Variants in KDM4C observed in about 807,000 individuals in gnomAD.
KDM4C encodes the protein lysine demethylase 4C.
Under a neutral mutation model 129.3 loss-of-function variants are expected in KDM4C, and 81 were observed. The observed-to-expected ratio is 0.63, with a 90% CI of 0.52 to 0.75. The LOEUF is 0.75. Among genes scored for constraint, KDM4C ranks in the 30% least tolerant of loss-of-function variants. KDM4C has a pLI of 0.00. For synonymous variants in KDM4C, 573 were observed against 456.1 expected (o/e 1.26, Z -3.26); for missense variants, 1,457 against 1,304.0 (o/e 1.12, Z -1.81).
intron 4 of KDM4C, among the ~76,000 whole-genome samples, chr9:6,817,763 CTT>C (rs146833868): frequency 3.8e-5 from 4 of 105,084 alleles, no homozygotes; most frequent in Non-Finnish European, 7.4e-5. Context: ...CAGGAATAAC[CTT>C]TTTTTTTTTT....
intron 8 of KDM4C, among the ~76,000 whole-genome samples, chr9:6,914,938 C>T (rs1820032593): frequency 6.6e-6 from 1 of 152,234 alleles, no homozygotes; most frequent in Admixed American, 6.5e-5. Context: ...TTTGTTAAAG[C>T]TGCCCAAATG....
intron 8 of KDM4C, among the ~76,000 whole-genome samples, chr9:6,970,849 A>G (rs1334074621): frequency 7.3e-6 from 1 of 137,616 alleles, no homozygotes; most frequent in African/African-American, 2.6e-5. Context: ...CCTCTTAGGA[A>G]CAACTCATGG....
intron 5 of KDM4C, among the ~76,000 whole-genome samples, chr9:6,867,157 A>G (rs1009759684): frequency 6.6e-6 from 1 of 151,754 alleles, no homozygotes; most frequent in Non-Finnish European, 1.5e-5. Flanking sequence ...CTGGGATTAC[A>G]GGCACACACC....
intron 18 of KDM4C, among the ~76,000 whole-genome samples, chr9:7,113,003 T>A (rs1033548188): frequency 6.6e-6 from 1 of 152,164 alleles, no homozygotes; most frequent in African/African-American, 2.4e-5. Context: ...TTCTACATAA[T>A]CATCTTGTTT....
intron 8 of KDM4C, among the ~76,000 whole-genome samples, chr9:6,973,460 C>G (rs7867898): frequency 0.4 from 61,203 of 152,064 alleles, 13,510 homozygotes; most frequent in East Asian, 0.82. Flanking sequence ...AGAGTTTTCA[C>G]GTGGCAGGAG....
At chr9:6,818,527 G>A (rs1428631815) in intron 4 of KDM4C, among the ~76,000 whole-genome samples, 3 of 152,196 alleles carry the variant, frequency 2.0e-5, no homozygotes, top group Non-Finnish European at 4.4e-5. Context: ...GAAGGGTGTG[G>A]CAGCAAGTAG....
chr9:6,936,099 G>A (rs994642598), intron 8 of KDM4C, among the ~76,000 whole-genome samples: 1 of 152,124 alleles, frequency 6.6e-6, no homozygotes, highest in Non-Finnish European at 1.5e-5. Flanking sequence ...ATTATGTAGT[G>A]CCAGAAGGTA....
At chr9:6,994,154 TC>T (rs1819270520) in intron 12 of KDM4C, among the ~76,000 whole-genome samples, 2 of 152,114 alleles carry the variant, frequency 1.3e-5, no homozygotes, top group Admixed American at 6.5e-5. Flanking sequence ...GGATTTGTGT[TC>T]CTATGAGAGT....
intron 8 of KDM4C, among the ~76,000 whole-genome samples, chr9:6,944,171 G>A (rs1283952011): frequency 6.6e-6 from 1 of 152,164 alleles, no homozygotes; most frequent in Non-Finnish European, 1.5e-5. Flanking sequence ...AGCAGAGGGT[G>A]CTGTTGAATT....
At chr9:7,028,567 A>G (rs1427512906) in intron 15 of KDM4C, among the ~76,000 whole-genome samples, 2 of 151,978 alleles carry the variant, frequency 1.3e-5, no homozygotes, top group African/African-American at 4.8e-5. Flanking sequence ...AGGTGGCACA[A>G]GTACTTCCTC....
intron 5 of KDM4C, among the ~76,000 whole-genome samples, chr9:6,876,160 C>G (rs1220186242): frequency 6.6e-6 from 1 of 152,160 alleles, no homozygotes; most frequent in East Asian, 1.9e-4. Context: ...TGAACTGATA[C>G]TTTTTGAACA....
At chr9:6,744,904 G>C (rs996511149) in intron 1 of KDM4C, among the ~76,000 whole-genome samples, 2 of 152,066 alleles carry the variant, frequency 1.3e-5, no homozygotes, top group African/African-American at 4.8e-5. Flanking sequence ...AGCTAGGTGG[G>C]GCTAATACCC....
chr9:7,105,834 G>C (rs1409627232), intron 18 of KDM4C, among the ~76,000 whole-genome samples: 1 of 152,144 alleles, frequency 6.6e-6, no homozygotes, highest in African/African-American at 2.4e-5. Context: ...GTCAAGTTTA[G>C]GTTACTAATG....
intron 15 of KDM4C, among the ~76,000 whole-genome samples, chr9:7,029,649 G>T (rs1168026551): frequency 1.3e-5 from 2 of 151,886 alleles, no homozygotes; most frequent in Non-Finnish European, 2.9e-5. Context: ...TTTTAATTTG[G>T]GGGACAGTAT....
chr9:6,876,538 T>C (rs10815473), intron 5 of KDM4C, among the ~76,000 whole-genome samples: 85,314 of 151,992 alleles, frequency 0.56, 24,562 homozygotes, highest in African/African-American at 0.69. Flanking sequence ...CACATGAAAA[T>C]ATATGCACCT....
rs368081196 is a variant in KDM4C at position 6,890,485 on chromosome 9, A to T, written c.783+2422A>T. Among the ~76,000 whole-genome samples, 4 of 152,188 alleles carry T rather than the reference A, an allele frequency of 2.6e-5. No homozygotes were observed. The East Asian group carries it at 7.7e-4, about 29-fold the overall frequency. On this transcript the variant is annotated intron_variant, in intron 7 of 21. Coordinates refer to ENST00000381309, the MANE Select transcript of KDM4C (RefSeq NM_015061.6). The stretch of plus-strand genomic sequence containing the variant: ...ATTCATACATATGTATGAAAACATA[A>T]GTGTAATAAACAGCTGATGTCTGCA...
At chr9:7,129,302 T>C (rs918581773) in intron 19 of KDM4C, among the ~76,000 whole-genome samples, 9 of 152,234 alleles carry the variant, frequency 5.9e-5, no homozygotes, top group African/African-American at 2.2e-4. Context: ...TCAGTTAGTT[T>C]TGTTATACTT....
intron 8 of KDM4C, chr9:6,973,922 C>A (rs1243200656): frequency 2.0e-5 from 3 of 152,234 alleles, no homozygotes; most frequent in African/African-American, 7.2e-5. Context: ...ATGGTACTTA[C>A]TGTGGCCAGC....
At chr9:7,033,759 T>C (rs1827176546) in intron 15 of KDM4C, among the ~76,000 whole-genome samples, 1 of 152,210 alleles carries the variant, frequency 6.6e-6, no homozygotes, top group African/African-American at 2.4e-5. Context: ...AACAAATGCC[T>C]CATTAATCTT....
Sources: gnomAD v4.1 joint callset for allele counts (sites outside exome capture counted in the v4.1 genomes callset) on GRCh38, gnomAD v4.1.1 for gene constraint, MANE v1.5 for transcripts, NCBI Gene and HGNC (gene_info 2026-07-23, HGNC 2026-07-21) for gene names.